TPTE2: variants seen among roughly 807,000 people sequenced by gnomAD.
TPTE2 encodes the protein phosphatidylinositol 3,4,5-trisphosphate 3-phosphatase TPTE2.
In TPTE2, 53 loss-of-function variants were observed where a neutral mutation model predicts 78.6. That is an observed-to-expected ratio of 0.67 (90% CI 0.54 to 0.85). The LOEUF (loss-of-function observed/expected upper bound fraction) is 0.85, where lower values mean the gene tolerates loss of function less well. Among genes scored for constraint, TPTE2 ranks in the 40% least tolerant of loss-of-function variants. TPTE2 has a pLI of 0.00. For synonymous variants in TPTE2, 175 were observed against 206.2 expected (o/e 0.85, Z 1.30); for missense variants, 461 against 623.0 (o/e 0.74, Z 2.77).
exon 12 of TPTE2, chr13:19,450,339 T>C (rs757330735): frequency 5.3e-5 from 85 of 1,610,032 alleles, no homozygotes; most frequent in Non-Finnish European, 7.1e-5. Flanking sequence ...TCATAAGCTC[T>C]TTCACCTAAA....
intron 1 of TPTE2, among the ~76,000 whole-genome samples, chr13:19,530,587 C>T (rs1870807995): frequency 6.6e-6 from 1 of 152,042 alleles, no homozygotes; most frequent in African/African-American, 2.4e-5. Context: ...CTCTGTTGTC[C>T]AGGTTGGAGT....
intron 1 of TPTE2, among the ~76,000 whole-genome samples, chr13:19,510,074 C>A (rs1454169124): frequency 6.6e-6 from 1 of 152,136 alleles, no homozygotes; most frequent in Non-Finnish European, 1.5e-5. Context: ...GCAAAAAGTT[C>A]TGTCATGAAG....
At chr13:19,449,739 T>C (rs1757122495) in intron 13 of TPTE2, among the ~76,000 whole-genome samples, 1 of 152,134 alleles carries the variant, frequency 6.6e-6, no homozygotes, top group Non-Finnish European at 1.5e-5. Flanking sequence ...ATAAAAGTAC[T>C]CTGATATTCT....
intron 1 of TPTE2, among the ~76,000 whole-genome samples, chr13:19,513,350 TTTTTAGAAAGAA>T (rs1869582252): frequency 6.6e-6 from 1 of 152,204 alleles, no homozygotes. Flanking sequence ...AAGACCTAAC[TTTTTAGAAAGAA>T]TTTTAGAATC....
chr13:19,424,775 T>G (rs891831751), intron 19 of TPTE2, among the ~76,000 whole-genome samples, 172 bp downstream of exon 22: 13 of 152,218 alleles, frequency 8.5e-5, no homozygotes, highest in African/African-American at 3.1e-4. Flanking sequence ...AGAACAAATG[T>G]ATTTTTAAAA....
intron 4 of TPTE2, among the ~76,000 whole-genome samples, chr13:19,479,150 A>C (rs1880162679): frequency 6.6e-6 from 1 of 152,208 alleles, no homozygotes; most frequent in Non-Finnish European, 1.5e-5. Context: ...CTAGAACTTA[A>C]AGTATAATAA....
chr13:19,425,712 A>C (rs574739510), intron 18 of TPTE2: 1 of 515,758 alleles, frequency 1.9e-6, no homozygotes, highest in Admixed American at 1.9e-5. Flanking sequence ...CTTACATCCC[A>C]ATAAAGGCTT....
At chr13:19,547,714 A>AATATATATATATATATATATAT in the TPTE2 span, among the ~76,000 whole-genome samples, 3 of 108,556 alleles carry the variant, frequency 2.8e-5, no homozygotes, top group Non-Finnish European at 5.2e-5. Flanking sequence ...CTAAGTAATA[A>AATATATATATATATATATATAT]ATATACATAT....
intron 10 of TPTE2, among the ~76,000 whole-genome samples, chr13:19,453,919 A>C (rs1026476643): frequency 6.6e-6 from 1 of 152,210 alleles, no homozygotes; most frequent in African/African-American, 2.4e-5. Flanking sequence ...AAAGTAAAAA[A>C]TGCTGTCTCC....
chr13:19,547,148 C>T, the TPTE2 span, among the ~76,000 whole-genome samples: 1 of 151,456 alleles, frequency 6.6e-6, no homozygotes, highest in Non-Finnish European at 1.5e-5. Flanking sequence ...ATGGCAAAAG[C>T]ATTCTCAACA....
chr13:19,536,180 C>T (rs555005583), intron 1 of TPTE2, among the ~76,000 whole-genome samples: 7 of 152,064 alleles, frequency 4.6e-5, no homozygotes, highest in African/African-American at 1.2e-4. Flanking sequence ...TAGGAATTAT[C>T]TTGGAATCTG....
intron 4 of TPTE2, among the ~76,000 whole-genome samples, chr13:19,481,442 G>T (rs1402654774): frequency 5.3e-5 from 8 of 152,184 alleles, no homozygotes; most frequent in Non-Finnish European, 7.3e-5. Flanking sequence ...TGATGTCAAA[G>T]CCAAGCACTG....
At chr13:19,453,560 T>TATATATATATATATAC (rs1878340267) in intron 10 of TPTE2, among the ~76,000 whole-genome samples, 3 of 111,252 alleles carry the variant, frequency 2.7e-5, no homozygotes, top group Admixed American at 9.8e-5. Context: ...TATATATATA[T>TATATATATATATATAC]ATATAGCAAC....
chr13:19,541,245 C>T (rs1264350819), upstream of TPTE2, among the ~76,000 whole-genome samples: 7 of 152,232 alleles, frequency 4.6e-5, no homozygotes, highest in Non-Finnish European at 8.8e-5. Flanking sequence ...AAGCAGTCTT[C>T]TATAACATAA....
chr13:19,526,645 T>C (rs1253910615), intron 1 of TPTE2, among the ~76,000 whole-genome samples: 8 of 152,102 alleles, frequency 5.3e-5, no homozygotes, highest in Admixed American at 2.6e-4. Flanking sequence ...GACAAAACAA[T>C]CTGTGCATCA....
intron 10 of TPTE2, among the ~76,000 whole-genome samples, chr13:19,461,256 A>T (rs1251904118): frequency 6.6e-6 from 1 of 152,142 alleles, no homozygotes; most frequent in African/African-American, 2.4e-5. Flanking sequence ...CTTTCCTTTC[A>T]TTTAAAAAAT....
upstream of TPTE2, among the ~76,000 whole-genome samples, chr13:19,503,728 T>C (rs1334314890): frequency 3.9e-5 from 6 of 152,140 alleles, no homozygotes; most frequent in African/African-American, 1.4e-4. Flanking sequence ...TATGATGGTA[T>C]TTGGGGTTTG....
At chr13:19,500,317 T>C (rs2137665700) in intron 1 of TPTE2, among the ~76,000 whole-genome samples, 1 of 151,284 alleles carries the variant, frequency 6.6e-6, no homozygotes, top group Middle Eastern at 3.4e-3. Context: ...AGCATCATTC[T>C]GATACCAAAG....
At chr13:19,483,388 C>T (rs1021695460) in intron 3 of TPTE2, among the ~76,000 whole-genome samples, 4 of 151,976 alleles carry the variant, frequency 2.6e-5, no homozygotes, top group South Asian at 2.1e-4. Context: ...CTTGGTAGGT[C>T]GTATGGTCAA....
Sources: allele counts gnomAD v4.1 joint callset (sites outside exome capture counted in the v4.1 genomes callset), GRCh38; gene constraint gnomAD v4.1.1; transcripts MANE v1.5; gene names NCBI Gene and HGNC (gene_info 2026-07-23, HGNC 2026-07-21).